Variants in TRIM39 observed in about 807,000 individuals in gnomAD.
The protein encoded by TRIM39 is E3 ubiquitin-protein ligase TRIM39.
Under a neutral mutation model 53.6 loss-of-function variants are expected in TRIM39, and 5 were observed. That is an observed-to-expected ratio of 0.09 (90% CI 0.05 to 0.20). The LOEUF (loss-of-function observed/expected upper bound fraction) is 0.20. Among genes scored for constraint, TRIM39 ranks in the 10% least tolerant of loss-of-function variants. The pLI is 1.00. For missense variants in TRIM39, 310 were observed against 621.0 expected, an observed-to-expected ratio of 0.50 and a Z score of 5.32; for synonymous variants, 196 against 237.6, an observed-to-expected ratio of 0.82 and a Z score of 1.61.
chr6:30,332,546 T>A (rs1466879039), intron 4 of TRIM39, among the ~76,000 whole-genome samples: 1 of 152,234 alleles, frequency 6.6e-6, no homozygotes, highest in African/African-American at 2.4e-5. Flanking sequence ...TTTAGCAAAG[T>A]AAGCATTTGA....
chr6:30,340,435 T>A, intron 6 of TRIM39, 70 bp from the exon 7 acceptor site: 1 of 1,609,998 alleles, frequency 6.2e-7, no homozygotes. Flanking sequence ...TGTTAACATC[T>A]GAATAGTCAC....
chr6:30,341,328 G>A (rs9380173), intron 7 of TRIM39: 87,676 of 532,276 alleles, frequency 0.16, 9,076 homozygotes, highest in East Asian at 0.36. Context: ...CCTATCCCTA[G>A]ACCATATGCT....
chr6:30,329,552 C>A (rs1162553518), exon 3 of TRIM39: 1 of 1,612,998 alleles, frequency 6.2e-7, no homozygotes, highest in East Asian at 2.2e-5. Context: ...CCGCAGTCTC[C>A]GACCTAATCG....
intron 4 of TRIM39, among the ~76,000 whole-genome samples, chr6:30,332,674 ACTTT>A (rs1202185031): frequency 6.6e-6 from 1 of 152,224 alleles, no homozygotes; most frequent in African/African-American, 2.4e-5. Context: ...CTAGTCATTA[ACTTT>A]CTTCTTCATG....
chr6:30,340,738 C>G, intron 7 of TRIM39, 118 bp downstream of exon 7: 1 of 1,061,194 alleles, frequency 9.4e-7, no homozygotes, highest in Non-Finnish European at 1.3e-6. Flanking sequence ...CCACACACAC[C>G]TACCCCTTTA....
intron 3 of TRIM39, 53 bp from the exon 4 acceptor site, chr6:30,330,728 G>A (rs1346830052): frequency 4.5e-6 from 7 of 1,569,532 alleles, no homozygotes; most frequent in Non-Finnish European, 6.1e-6. Flanking sequence ...TGAATGGTAG[G>A]TATACCAGTC....
At chr6:30,340,046 G>A in intron 6 of TRIM39, 116 bp downstream of exon 6, 1 of 1,492,184 alleles carries the variant, frequency 6.7e-7, no homozygotes, top group Non-Finnish European at 9.2e-7. Context: ...TGTCTGGGCA[G>A]GGTATGGGAG....
rs141863715 is a variant in TRIM39 at position 30,338,241 on chromosome 6, C to G, written c.781-1667C>G. On this transcript the variant is annotated intron_variant, in intron 5 of 7. Transcript: ENST00000396551. The surrounding 1 kb of genome is among the most constrained non-coding windows in gnomAD (Gnocchi z 4.0). ...CTTTTCCTTAGCATTCACAGCCTGG[C>G]TTGGTGTTTGGCACAAGAGGCCTAG... Among the ~76,000 whole-genome samples the G allele has an allele frequency of 1.0e-3, 156 of 152,252 alleles. No homozygotes were observed. Among genetic ancestry groups the G allele is most frequent in the Non-Finnish European group, 1.4e-3 (92 of 68,028 alleles).
intron 4 of TRIM39, among the ~76,000 whole-genome samples, chr6:30,333,876 A>G (rs1244456777): frequency 6.6e-6 from 1 of 152,200 alleles, no homozygotes; most frequent in African/African-American, 2.4e-5. Context: ...ATAGAGTGAA[A>G]AAAAGAGAAA....
chr6:30,338,274 C>T lies in TRIM39; in HGVS notation c.781-1634C>T, dbSNP rs932736448. ...TTGGCACAAGAGGCCTAGCTTTCAG[C>T]CCATCTTGGCTTTCAATGTGCCTTT... On this transcript the variant is annotated intron_variant, in intron 5 of 7. Coordinates refer to ENST00000396551, the Ensembl canonical transcript of TRIM39. The surrounding 1 kb of genome is among the most constrained non-coding windows in gnomAD (Gnocchi z 4.0). Among the ~76,000 whole-genome samples, 4 of 152,144 alleles carry T rather than the reference C, an allele frequency of 2.6e-5. No individual in the cohort carries two copies. Among genetic ancestry groups the T allele is most frequent in the Admixed American group, 2.6e-4 (4 of 15,266 alleles).
At chr6:30,341,627 T>A in intron 7 of TRIM39, 85 bp from the exon 8 acceptor site, 1 of 1,500,496 alleles carries the variant, frequency 6.7e-7, no homozygotes, top group Non-Finnish European at 8.9e-7. Flanking sequence ...GACCAGGCTC[T>A]GTAAAGGCAG....
intron 6 of TRIM39, chr6:30,340,167 T>C: frequency 8.8e-7 from 1 of 1,132,982 alleles, no homozygotes; most frequent in Non-Finnish European, 1.3e-6. Context: ...TAAGGTAGAA[T>C]CAGATTCTAC....
intron 3 of TRIM39, among the ~76,000 whole-genome samples, 177 bp downstream of exon 3, chr6:30,329,947 G>A (rs1343143023): frequency 6.6e-6 from 1 of 152,194 alleles, no homozygotes; most frequent in Non-Finnish European, 1.5e-5. Flanking sequence ...AAAGAGCAAT[G>A]GTGAGAAGTG....
Position 30,339,174 on chromosome 6 carries a change from G to A in TRIM39, c.781-734G>A, listed in dbSNP as rs1173202452. Among the ~76,000 whole-genome samples, 1 of 151,242 alleles carries A rather than the reference G, an allele frequency of 6.6e-6. No homozygotes were observed. Among genetic ancestry groups the A allele is most frequent in the African/African-American group, 2.4e-5 (1 of 41,062 alleles). On this transcript the variant is annotated intron_variant, in intron 5 of 7. Coordinates refer to ENST00000396551, the Ensembl canonical transcript of TRIM39. The surrounding 1 kb of genome is among the most constrained non-coding windows in gnomAD (Gnocchi z 4.2). Reference sequence around the variant, plus strand: ...TTCTTCCTTTTTTTTTTTTCTGAGAGAGTCTTGCTCTGTCGCCCAGGCTGG... The same window carrying A: ...TTCTTCCTTTTTTTTTTTTCTGAGAAAGTCTTGCTCTGTCGCCCAGGCTGG...
chr6:30,341,219 AAAAG>A lies in TRIM39; in HGVS notation c.920-485_920-482del, dbSNP rs750814535. ...TGAGATTCCATCTCAAAAAAAAAAA[AAAAG>A]AAAGAAACTGAAAGGGAGTGTCATT... On this transcript the variant is annotated intron_variant, in intron 7 of 7. Coordinates refer to ENST00000396551, the Ensembl canonical transcript of TRIM39. 6.0e-4 allele frequency among the ~76,000 whole-genome samples: 91 copies of A among 152,078 alleles called. 1 individual carries two copies. Among genetic ancestry groups the A allele is most frequent in the East Asian group, 2.5e-3 (13 of 5,182 alleles).
intron 1 of TRIM39, among the ~76,000 whole-genome samples, chr6:30,327,895 ATTG>A (rs760962008): frequency 1.5e-4 from 23 of 152,376 alleles, no homozygotes; most frequent in Non-Finnish European, 3.1e-4. Flanking sequence ...TACAGGAACA[ATTG>A]TTGTTAACCT....
chr6:30,330,688 TAAATGGTTTAAAAC>T, intron 3 of TRIM39, 79 bp from the exon 4 acceptor site: 5 of 1,362,930 alleles, frequency 3.7e-6, no homozygotes, highest in African/African-American at 1.4e-5. Flanking sequence ...AGGAAGCAAA[TAAATGGTTTAAAAC>T]AAATGGTTTA....
chr6:30,342,355 TC>T lies in TRIM39; in HGVS notation c.*98del. On this transcript the variant is annotated 3_prime_UTR_variant, in exon 8 of 8. Coordinates refer to ENST00000396551, the Ensembl canonical transcript of TRIM39. This position sits in a 1 kb window ranked among gnomAD's most constrained non-coding sequence, Gnocchi z 4.7. ...TGGAACGTCTTCGTGTCCACCTGGG[TC>T]CAGTCCTGAATCATCTTGGAGAAAC... 7.5e-7 allele frequency: 1 copy of T among 1,334,628 alleles called. No homozygotes were observed. Among genetic ancestry groups the T allele is most frequent in the Non-Finnish European group, 1.0e-6 (1 of 955,230 alleles). 82.7% of individuals were successfully genotyped at this position (1,334,628 alleles called of 1,614,324 possible). A position where few individuals can be genotyped will look rare whatever the true frequency, so the allele number is the denominator to read the frequency against.
At chr6:30,341,631 A>C (rs1303354680) in intron 7 of TRIM39, 81 bp from the exon 8 acceptor site, 1 of 1,505,176 alleles carries the variant, frequency 6.6e-7, no homozygotes, top group Non-Finnish European at 8.9e-7. Flanking sequence ...AGGCTCTGTA[A>C]AGGCAGGCTG....
Sources: allele counts gnomAD v4.1 joint callset (sites outside exome capture counted in the v4.1 genomes callset), GRCh38; gene constraint gnomAD v4.1.1; non-coding constraint Gnocchi (gnomAD v3.1); transcripts MANE v1.5; gene names NCBI Gene and HGNC (gene_info 2026-07-23, HGNC 2026-07-21).